Variants in ANO1 observed in about 807,000 individuals in gnomAD.
ANO1 encodes the protein anoctamin 1.
Under a neutral mutation model 124.0 loss-of-function variants are expected in ANO1, and 59 were observed. The observed-to-expected ratio is 0.48, with a 90% CI of 0.39 to 0.59. The LOEUF is 0.59. ANO1 is among the 20% of genes least tolerant of loss of function. ANO1 has a pLI of 0.00. For synonymous variants in ANO1, 529 were observed against 532.0 expected, an observed-to-expected ratio of 0.99 and a Z score of 0.08; for missense variants, 1,059 against 1,328.0, an observed-to-expected ratio of 0.80 and a Z score of 3.15.
intron 8 of ANO1, among the ~76,000 whole-genome samples, chr11:70,118,900 G>A (rs967045563): frequency 1.3e-5 from 2 of 148,418 alleles, no homozygotes; most frequent in African/African-American, 5.0e-5. Flanking sequence ...GTAGGTGGAT[G>A]GATGCATGCT....
chr11:69,996,189 A>G (rs1856268602), intron 1 of ANO1, among the ~76,000 whole-genome samples: 1 of 152,188 alleles, frequency 6.6e-6, no homozygotes, highest in Non-Finnish European at 1.5e-5. Flanking sequence ...GATTGGAACC[A>G]TCAATCTATG....
chr11:70,183,073 C>T lies in ANO1; in HGVS notation c.2588+387C>T, dbSNP rs560692235. ...GCAGTGAGCTATGATCGCACCACTGCACTCCAGCCTGGGCAACAGAGTGAG... is the reference window on the plus strand; with the variant it reads ...GCAGTGAGCTATGATCGCACCACTGTACTCCAGCCTGGGCAACAGAGTGAG... On this transcript the variant is annotated intron_variant, in intron 24 of 25. Coordinates refer to ENST00000355303, the MANE Select transcript of ANO1 (RefSeq NM_018043.7). Among the ~76,000 whole-genome samples, 44 of 152,322 alleles carry T rather than the reference C, an allele frequency of 2.9e-4. No homozygotes were observed. The South Asian group carries it at 6.6e-3, about 23-fold the overall frequency.
At chr11:70,152,334 CAAAAAAAAA>C (rs56895585) in intron 12 of ANO1, 107 bp from the exon 13 acceptor site, 7 of 439,356 alleles carry the variant, frequency 1.6e-5, no homozygotes, top group Non-Finnish European at 2.6e-5. Flanking sequence ...GACTCCATCT[CAAAAAAAAA>C]AAAAAAAAAA....
At chr11:70,123,986 C>T (rs1195643742) in intron 8 of ANO1, among the ~76,000 whole-genome samples, 1 of 152,078 alleles carries the variant, frequency 6.6e-6, no homozygotes, top group African/African-American at 2.4e-5. Flanking sequence ...CTTTGCATCC[C>T]GTGAGAGTTT....
At chr11:69,974,963 GTGGCCGTCTGCAAAAAGACTAAAC>G in the ANO1 span, among the ~76,000 whole-genome samples, 1 of 151,830 alleles carries the variant, frequency 6.6e-6, no homozygotes, top group African/African-American at 2.4e-5. Context: ...CAGGGAGAAG[GTGGCCGTCTGCAAAAAGACTAAAC>G]TGCCCTGAGA....
chr11:70,151,064 C>G (rs538572049), intron 12 of ANO1, among the ~76,000 whole-genome samples: 1 of 152,338 alleles, frequency 6.6e-6, no homozygotes, highest in East Asian at 1.9e-4. Context: ...AGAGTTCCAT[C>G]CAGATTCGGC....
intron 1 of ANO1, among the ~76,000 whole-genome samples, chr11:70,038,124 A>T (rs1857124473): frequency 6.6e-6 from 1 of 152,124 alleles, no homozygotes; most frequent in Admixed American, 6.5e-5. Flanking sequence ...AGAGCTTGTC[A>T]TTTCTTTGCT....
intron 1 of ANO1, chr11:70,085,608 C>T (rs2044341825): frequency 1.3e-6 from 2 of 1,534,978 alleles, no homozygotes; most frequent in South Asian, 1.2e-5. Flanking sequence ...AGGGACATGG[C>T]CCCAACTGTC....
At chr11:70,132,210 C>T in intron 11 of ANO1, 131 bp downstream of exon 11, 1 of 1,220,382 alleles carries the variant, frequency 8.2e-7, no homozygotes, top group Non-Finnish European at 1.1e-6. Flanking sequence ...GGGAAGGGGG[C>T]TGGTGGAAAC....
chr11:70,017,771 C>T (rs1357308667), intron 1 of ANO1, among the ~76,000 whole-genome samples: 7 of 152,080 alleles, frequency 4.6e-5, no homozygotes, highest in South Asian at 2.1e-4. Flanking sequence ...CCTCCCACCT[C>T]AGCCACCCAA....
At position 70,129,068 on chromosome 11, in the gene ANO1, A is replaced by G. The variant is rs944597125; in HGVS notation, c.1098-2851A>G. Among the ~76,000 whole-genome samples, 6 of 152,200 alleles carry G rather than the reference A, an allele frequency of 3.9e-5. No individual in the cohort carries two copies. In the East Asian group the frequency reaches 5.8e-4, roughly 15 times the overall value. The stretch of plus-strand genomic sequence containing the variant: ...GGAAGAGGGGCTCGCGTTGTGCCCA[A>G]CTGGGGACGTCCTGCCCCCAACCCC... On this transcript the variant is annotated intron_variant, in intron 10 of 25. Coordinates refer to ENST00000355303, the MANE Select transcript of ANO1 (RefSeq NM_018043.7).
chr11:70,018,965 A>T (rs1342934228), intron 1 of ANO1, among the ~76,000 whole-genome samples: 3 of 152,220 alleles, frequency 2.0e-5, no homozygotes, highest in Admixed American at 6.5e-5. Context: ...ACACAGTTAG[A>T]GTCCATGGAA....
At chr11:70,170,828 GT>G in intron 21 of ANO1, 58 bp from the exon 22 acceptor site, 1 of 1,552,724 alleles carries the variant, frequency 6.4e-7, no homozygotes. Context: ...GGGTGGTGGA[GT>G]CCCCCCTTAT....
At chr11:70,158,851 G>GA (rs2047929875) in intron 16 of ANO1, among the ~76,000 whole-genome samples, 2 of 9,286 alleles carry the variant, frequency 2.2e-4, no homozygotes, top group East Asian at 6.9e-3. Flanking sequence ...CTCGGTGGGG[G>GA]CTGGGGGCTG....
At chr11:70,026,072 GTGGTGA>G (rs1257236071) in intron 1 of ANO1, among the ~76,000 whole-genome samples, 4 of 147,860 alleles carry the variant, frequency 2.7e-5, no homozygotes, top group African/African-American at 1.0e-4. Flanking sequence ...TGATGTGGTG[GTGGTGA>G]TGATGATGAT....
chr11:70,080,993 G>A (rs952359061), intron 1 of ANO1, among the ~76,000 whole-genome samples: 11 of 152,226 alleles, frequency 7.2e-5, no homozygotes, highest in African/African-American at 2.2e-4. Context: ...CTGTACACAC[G>A]AGGGCCAGAG....
intron 8 of ANO1, among the ~76,000 whole-genome samples, chr11:70,121,274 C>A (rs1410578065): frequency 6.6e-6 from 1 of 151,722 alleles, no homozygotes; most frequent in African/African-American, 2.4e-5. Flanking sequence ...TCCATCTCCC[C>A]CATGTCTCTC....
At chr11:70,119,916 A>G (rs2046186302) in intron 8 of ANO1, among the ~76,000 whole-genome samples, 1 of 152,050 alleles carries the variant, frequency 6.6e-6, no homozygotes, top group Admixed American at 6.6e-5. Flanking sequence ...GATGATGGAA[A>G]GAAGAAAAGG....
chr11:70,109,470 G>A (rs2045686682), intron 6 of ANO1, among the ~76,000 whole-genome samples: 1 of 152,204 alleles, frequency 6.6e-6, no homozygotes, highest in African/African-American at 2.4e-5. Context: ...CAAGGGGAGT[G>A]TGGAGGAGTC....
Sources: allele counts gnomAD v4.1 joint callset (sites outside exome capture counted in the v4.1 genomes callset), GRCh38; gene constraint gnomAD v4.1.1; transcripts MANE v1.5; gene names NCBI Gene and HGNC (gene_info 2026-07-23, HGNC 2026-07-21).